HECTD4: variants seen among roughly 807,000 people sequenced by gnomAD.
HECTD4 encodes the protein HECT domain E3 ubiquitin protein ligase 4.
A neutral mutation model predicts 471.5 loss-of-function variants in HECTD4; 114 were observed. The ratio of observed to expected loss-of-function variants is 0.24; its 90% CI spans 0.21 to 0.28. HECTD4 has a LOEUF of 0.28. Among genes scored for constraint, HECTD4 ranks in the 10% least tolerant of loss-of-function variants. HECTD4 has a pLI of 1.00. For synonymous variants in HECTD4, 2,012 were observed against 2,256.0 expected (o/e 0.89, Z 3.07); for missense variants, 3,866 against 5,651.5 (o/e 0.68, Z 10.13).
In HECTD4 at chr12:112,185,243, C is replaced by A. The variant is rs1219848262; in HGVS notation, c.9723G>T (p.Gly3241=). ...VSGGACGGSG[G]AAAGDQGRFS... ...ACCTGCCCTGGTCACCGGCCGCCGCCCCCCCGGAGCCCCCGCAGGCGCCGC... is the reference window on the plus strand; with the variant it reads ...ACCTGCCCTGGTCACCGGCCGCCGCACCCCCGGAGCCCCCGCAGGCGCCGC... Residue 3241 remains glycine, a synonymous_variant, in exon 61 of 76, where the codon GGG becomes GGT. Coordinates refer to ENST00000682272, the MANE Select transcript of HECTD4 (RefSeq NM_001388303.1). 3 of 1,550,072 alleles carry A rather than the reference C, an allele frequency of 1.9e-6. No individual in the cohort carries two copies. Among genetic ancestry groups the A allele is most frequent in the Non-Finnish European group, 2.6e-6 (3 of 1,146,534 alleles).
rs181815380 is a variant in HECTD4 at position 112,167,765 on chromosome 12, G to A, written c.12312+49C>T. The A allele has an allele frequency of 9.5e-4, 1,423 of 1,500,850 alleles. 5 individuals carry two copies. The highest frequency in any genetic ancestry group is 5.8e-3 in the South Asian group (518 of 88,724). 93.0% of individuals were successfully genotyped at this position (1,500,850 alleles called of 1,614,324 possible). On this transcript the variant is annotated intron_variant, in intron 71 of 75. Coordinates refer to ENST00000682272, the MANE Select transcript of HECTD4 (RefSeq NM_001388303.1). ...CACTGCCCGCCACCCCAGCCACTGC[G>A]CAGGACATGAGCTCGGGGGCGTGGA...
intron 1 of HECTD4, among the ~76,000 whole-genome samples, chr12:112,327,809 C>T (rs914280763): frequency 8.5e-5 from 13 of 152,142 alleles, no homozygotes; most frequent in Non-Finnish European, 1.5e-4. Flanking sequence ...CAGTTAATTT[C>T]AAATAATGTA....
intron 7 of HECTD4, among the ~76,000 whole-genome samples, chr12:112,300,570 G>A (rs2035143045): frequency 6.6e-6 from 1 of 152,052 alleles, no homozygotes; most frequent in Admixed American, 6.6e-5. Flanking sequence ...AGATACCAAC[G>A]TCCTTCAGTC....
At position 112,183,075 on chromosome 12, in the gene HECTD4, A is replaced by G; in HGVS notation, c.10971T>C (p.Asn3657=). Residue 3657 remains asparagine, a synonymous_variant, in exon 62 of 76, where the codon AAT becomes AAC. Coordinates refer to ENST00000682272, the MANE Select transcript of HECTD4 (RefSeq NM_001388303.1). ...AGAACCCACCTTTAATTGACTTATC[A>G]TTGAAATAATCTTCTAACCCTGGGC... is the stretch of plus-strand genomic sequence containing the variant. ...QGSPGLEDYF[N]DKSIKGEKLV... The G allele has an allele frequency of 1.9e-6, 3 of 1,612,912 alleles. No homozygotes were observed. Among genetic ancestry groups the G allele is most frequent in the Non-Finnish European group, 2.5e-6 (3 of 1,179,064 alleles).
intron 44 of HECTD4, 113 bp from the exon 45 acceptor site, chr12:112,219,602 ATT>A (rs369653709): frequency 5.3e-3 from 2,667 of 503,926 alleles, no homozygotes; most frequent in South Asian, 0.01. Context: ...AGCTCATTGA[ATT>A]TTTTTTTTTT....
At chr12:112,218,348 C>G (rs932654888) in intron 45 of HECTD4, among the ~76,000 whole-genome samples, 2 of 152,086 alleles carry the variant, frequency 1.3e-5, no homozygotes, top group African/African-American at 4.8e-5. Flanking sequence ...ACATTTTTGT[C>G]CCTACTGAAG....
chr12:112,169,811 C>T, intron 69 of HECTD4, 153 bp from the exon 70 acceptor site: 1 of 844,726 alleles, frequency 1.2e-6, no homozygotes, highest in Non-Finnish European at 1.9e-6. Context: ...CTCAGAACAC[C>T]TTAGAGCCTT....
chr12:112,168,972 TG>T (rs1200862479), intron 70 of HECTD4, among the ~76,000 whole-genome samples: 2 of 152,124 alleles, frequency 1.3e-5, no homozygotes, highest in Non-Finnish European at 2.9e-5. Context: ...AGGAGCTGGG[TG>T]GGGGCTCCCT....
chr12:112,221,348 A>G (rs1251313248), intron 44 of HECTD4, among the ~76,000 whole-genome samples: 1 of 152,162 alleles, frequency 6.6e-6, no homozygotes, highest in African/African-American at 2.4e-5. Context: ...TCCTGGACTC[A>G]GGTGATCTTC....
At chr12:112,296,549 G>A (rs565725907) in intron 7 of HECTD4, among the ~76,000 whole-genome samples, 13 of 151,554 alleles carry the variant, frequency 8.6e-5, no homozygotes, top group South Asian at 6.3e-4. Context: ...TGCATTGGAC[G>A]TAGGTGCAAA....
In HECTD4 at chr12:112,274,870, C is replaced by T. The variant is rs538011539; in HGVS notation, c.1778G>A (p.Arg593His). Residue 593 changes from arginine to histidine, a missense_variant, in exon 10 of 76, where the codon CGT (arginine) becomes CAT (histidine). Around this residue, in one of 16 missense-constraint regions of HECTD4, gnomAD observed 525 missense variants for 672.6 expected, o/e 0.78. Coordinates refer to ENST00000682272, the MANE Select transcript of HECTD4 (RefSeq NM_001388303.1). Reference protein sequence around the residue: ...LIDAAGSSLGRGALVPGLGAC... With the variant: ...LIDAAGSSLGHGALVPGLGAC... ...ACCCAATCCTGGTACGAGAGCACCA[C>T]GCCCCAGTGAGCTTCCAGCAGCATC... is the stretch of plus-strand genomic sequence containing the variant. The T allele has an allele frequency of 4.8e-5, 75 of 1,548,816 alleles. No individual in the cohort carries two copies. Among genetic ancestry groups the T allele is most frequent in the South Asian group, 6.0e-5 (5 of 84,024 alleles).
chr12:112,299,285 C>T (rs1200954603), intron 7 of HECTD4, among the ~76,000 whole-genome samples: 3 of 152,014 alleles, frequency 2.0e-5, no homozygotes, highest in South Asian at 2.1e-4. Context: ...TTTAAAAATA[C>T]GGACATTTTC....
chr12:112,175,973 C>T, intron 65 of HECTD4, 114 bp from the exon 66 acceptor site: 1 of 1,289,202 alleles, frequency 7.8e-7, no homozygotes, highest in Non-Finnish European at 1.1e-6. Context: ...CATCTAATTC[C>T]CCTCTCCCTC....
chr12:112,172,015 T>C (rs1328714781), intron 67 of HECTD4, among the ~76,000 whole-genome samples: 3 of 152,244 alleles, frequency 2.0e-5, no homozygotes, highest in East Asian at 1.9e-4. Context: ...GCGATTCTCC[T>C]GCCTCAGCCT....
intron 23 of HECTD4, 144 bp from the exon 24 acceptor site, chr12:112,251,278 C>T: frequency 1.5e-6 from 1 of 674,516 alleles, no homozygotes; most frequent in Admixed American, 3.1e-5. Context: ...ACAGGTACAG[C>T]ACCCAAATCA....
chr12:112,314,952 T>G (rs2035448519), intron 2 of HECTD4, among the ~76,000 whole-genome samples: 1 of 152,216 alleles, frequency 6.6e-6, no homozygotes, highest in Admixed American at 6.5e-5. Context: ...CTAAGTTCAT[T>G]CATTTGGAAA....
rs1566094076 is a variant in HECTD4 at position 112,270,314 on chromosome 12, A to G, written c.2088T>C (p.His696=). 6.2e-7 allele frequency: 1 copy of G among 1,614,068 alleles called. No individual in the cohort carries two copies. The highest frequency in any genetic ancestry group is 1.7e-5 in the Admixed American group (1 of 60,032). The part of the protein sequence containing the change: ...VLGKQHPIEA[H]HLSSICDIME... ...TAATGTCACAAATACTGCTAAGATG[A>G]TGTGCTTCAATTGGATGCTGCTTGC... The change falls in exon 12 of 76, where the codon CAT becomes CAC. Residue 696 remains histidine (H), a synonymous_variant. Coordinates refer to ENST00000682272, the MANE Select transcript of HECTD4 (RefSeq NM_001388303.1).
At chr12:112,331,637 C>T (rs1194749305) in intron 1 of HECTD4, among the ~76,000 whole-genome samples, 1 of 152,150 alleles carries the variant, frequency 6.6e-6, no homozygotes, top group Non-Finnish European at 1.5e-5. Context: ...ATTGTTATGA[C>T]ATTAAAGATA....
Position 112,172,661 on chromosome 12 carries a change from G to C in HECTD4, c.11785+10C>G, listed in dbSNP as rs543207726. 2 of 1,613,338 alleles carry C rather than the reference G, an allele frequency of 1.2e-6. No homozygotes were observed. The highest frequency in any genetic ancestry group is 1.7e-6 in the Non-Finnish European group (2 of 1,179,532). Reference sequence around the variant, plus strand: ...GCAGCAGGGGAGGGGATAGGCCCAGGGCCACATACTCAGGAGACAGGCCAC... The same window carrying C: ...GCAGCAGGGGAGGGGATAGGCCCAGCGCCACATACTCAGGAGACAGGCCAC... On this transcript the variant is annotated intron_variant, in intron 67 of 75. Transcript: ENST00000682272.
Sources: gnomAD v4.1 joint callset for allele counts (sites outside exome capture counted in the v4.1 genomes callset) on GRCh38, gnomAD v4.1.1 for gene constraint, gnomAD v4.1.1 regional missense constraint, MANE v1.5 for transcripts, NCBI Gene and HGNC (gene_info 2026-07-23, HGNC 2026-07-21) for gene names.